PRAM1: variants seen among roughly 807,000 people sequenced by gnomAD.
PRAM1 encodes the protein PML-RARA regulated adaptor molecule 1.
A neutral mutation model predicts 55.3 loss-of-function variants in PRAM1; 41 were observed. The ratio of observed to expected loss-of-function variants is 0.74; its 90% confidence interval spans 0.58 to 0.96. The LOEUF is 0.96. Ranked by LOEUF, PRAM1 falls within the 40% of genes least tolerant of loss-of-function variation. The pLI is 0.00. For synonymous variants in PRAM1, 401 were observed against 387.1 expected (o/e 1.04, Z -0.42); for missense variants, 898 against 892.7 (o/e 1.01, Z -0.08).
intron 1 of PRAM1, among the ~76,000 whole-genome samples, chr19:8,500,159 A>T (rs28527176): frequency 0.3 from 44,198 of 145,878 alleles, 10,561 homozygotes; most frequent in African/African-American, 0.67. Flanking sequence ...CAGGCTGGAG[A>T]GCAGTGGTGC....
In PRAM1 at chr19:8,490,506, C is replaced by T; in HGVS notation, c.1910G>A (p.Gly637Asp). The part of the protein sequence containing the change: ...MLCRDPKGKY[G>D]YVPRTALLPL... ...CAGGAGCGCTGTTCTGGGCACGTAG[C>T]CATCTGTGGAGAGAGTGGGCATGGT... is the stretch of plus-strand genomic sequence containing the variant. The change falls in exon 8 of 10, where the codon GGC (glycine) becomes GAC (aspartate). Residue 637 changes from glycine to aspartate, a missense_variant. By Grantham distance (94) the Gly-to-Asp change is moderately conservative. Coordinates refer to ENST00000423345, the MANE Select transcript of PRAM1 (RefSeq NM_032152.5). The surrounding 1 kb of genome is among the most constrained non-coding windows in gnomAD (Gnocchi z 7.3). The T allele has an allele frequency of 5.6e-6, 9 of 1,611,512 alleles. No homozygotes were observed. Among genetic ancestry groups the T allele is most frequent in the Non-Finnish European group, 6.8e-6 (8 of 1,178,998 alleles).
chr19:8,492,485 G>A (rs375180673), intron 4 of PRAM1, among the ~76,000 whole-genome samples: 1 of 151,736 alleles, frequency 6.6e-6, no homozygotes, highest in Non-Finnish European at 1.5e-5. Flanking sequence ...TCTAACTCCT[G>A]ACCTCAGGTG....
intron 4 of PRAM1, among the ~76,000 whole-genome samples, chr19:8,495,682 G>GCTGGGCAGGAGGTGCGGGCC (rs1160921109): frequency 3.3e-5 from 5 of 151,600 alleles, no homozygotes; most frequent in East Asian, 1.9e-4. Flanking sequence ...TAACTTTGGA[G>GCTGGGCAGGAGGTGCGGGCC]TGGAGGGTAC....
At chr19:8,494,820 A>ACT in intron 4 of PRAM1, among the ~76,000 whole-genome samples, 1 of 151,336 alleles carries the variant, frequency 6.6e-6, no homozygotes, top group East Asian at 1.9e-4. Flanking sequence ...TTTAGTAGAG[A>ACT]CAGGTTTTCA....
chr19:8,490,796 C>A lies in PRAM1; in HGVS notation c.1744-40G>T, dbSNP rs1345711188. The A allele has an allele frequency of 6.2e-7, 1 of 1,606,490 alleles. No individual in the cohort carries two copies. Among genetic ancestry groups the A allele is most frequent in the Non-Finnish European group, 8.5e-7 (1 of 1,178,830 alleles). Reference sequence around the variant, plus strand: ...GTTAGGGCCTCTGCTTGTGCTGCCGCCCTTGGGCCCCTGTCTTCTTTCTGA... The same window carrying A: ...GTTAGGGCCTCTGCTTGTGCTGCCGACCTTGGGCCCCTGTCTTCTTTCTGA... On this transcript the variant is annotated intron_variant, in intron 6 of 9. Transcript: ENST00000423345. This position sits in a 1 kb window ranked among gnomAD's most constrained non-coding sequence, Gnocchi z 7.3.
At chr19:8,491,071 C>T (rs776856757) in intron 5 of PRAM1, 29 bp downstream of exon 5, 86 of 1,612,004 alleles carry the variant, frequency 5.3e-5, no homozygotes, top group East Asian at 8.9e-5. Flanking sequence ...GCTCGCCCCC[C>T]GTCTGCCCAC....
chr19:8,495,766 G>A (rs1215990372), intron 4 of PRAM1, among the ~76,000 whole-genome samples: 1 of 151,750 alleles, frequency 6.6e-6, no homozygotes, highest in Admixed American at 6.6e-5. Flanking sequence ...GGGACAGGCA[G>A]GCAAGGTGCT....
At chr19:8,497,460 A>G (rs1209600051) in intron 4 of PRAM1, among the ~76,000 whole-genome samples, 2 of 151,926 alleles carry the variant, frequency 1.3e-5, no homozygotes, top group African/African-American at 2.4e-5. Flanking sequence ...GGCTCAAACG[A>G]TCCTCCTGCC....
At position 8,493,527 on chromosome 19, in the gene PRAM1, C is replaced by T. The variant is rs1262809992; in HGVS notation, c.1577-2370G>A. Reference sequence around the variant, plus strand: ...GCAGGCAGCCCTGGTTCATCCACAGCTGACCCAGAGCAGGCCTCTGCCCGC... The same window carrying T: ...GCAGGCAGCCCTGGTTCATCCACAGTTGACCCAGAGCAGGCCTCTGCCCGC... On this transcript the variant is annotated intron_variant, in intron 4 of 9. Coordinates refer to ENST00000423345, the MANE Select transcript of PRAM1 (RefSeq NM_032152.5). The surrounding 1 kb of genome is among the most constrained non-coding windows in gnomAD (Gnocchi z 4.1). Among the ~76,000 whole-genome samples, 1 of 150,970 alleles carries T rather than the reference C, an allele frequency of 6.6e-6. No homozygotes were observed. The highest frequency in any genetic ancestry group is 1.5e-5 in the Non-Finnish European group (1 of 68,036).
In PRAM1 at chr19:8,499,648, C is replaced by T. The variant is rs547450112; in HGVS notation, c.160G>A (p.Glu54Lys). 2.5e-4 allele frequency: 396 copies of T among 1,613,608 alleles called. 34 individuals carry two copies. The South Asian group carries it at 4.0e-3, about 16-fold the overall frequency. Residue 54 changes from glutamate (E) to lysine (K), a missense_variant, in exon 2 of 10, where the codon GAG becomes AAG. This residue lies in a region of PRAM1 where 79 missense variants were observed against 93.4 expected (regional missense o/e 0.85). Coordinates refer to ENST00000423345, the MANE Select transcript of PRAM1 (RefSeq NM_032152.5). ...LKKFSQPELS[E>K]HPKKAPLPEF... ...GGCAGCGGGGCCTTCTTGGGGTGCTCGCTTAGCTCAGGCTGGGAGAACTTC... is the reference window on the plus strand; with the variant it reads ...GGCAGCGGGGCCTTCTTGGGGTGCTTGCTTAGCTCAGGCTGGGAGAACTTC...
rs762103173 is a variant in PRAM1, at chr19:8,498,756, C to T, written c.1052G>A (p.Arg351Gln). The T allele has an allele frequency of 2.4e-5, 37 of 1,572,338 alleles. No individual in the cohort carries two copies. Among genetic ancestry groups the T allele is most frequent in the East Asian group, 4.7e-5 (2 of 42,256 alleles). ...CTGTGAGAACTTGCGGGGTGGCCCCCGGCGCTCCGGCTGCAGCAGCTTCCT... is the reference window on the plus strand; with the variant it reads ...CTGTGAGAACTTGCGGGGTGGCCCCTGGCGCTCCGGCTGCAGCAGCTTCCT... ...LPRKLLQPERRGPPRKFSQPE... is the reference protein window; with the variant it reads ...LPRKLLQPERQGPPRKFSQPE... The change falls in exon 2 of 10, where the codon CGG (arginine) becomes CAG (glutamine). Residue 351 changes from arginine (R) to glutamine (Q), a missense_variant. Arg to Gln is a conservative substitution (Grantham distance 43). This residue lies in a region of PRAM1 where 787 missense variants were observed against 735.4 expected (regional missense o/e 1.07). Coordinates refer to ENST00000423345, the MANE Select transcript of PRAM1 (RefSeq NM_032152.5).
rs142008805 is a variant in PRAM1, at chr19:8,500,580, G to A, written c.28-800C>T. On this transcript the variant is annotated intron_variant, in intron 1 of 9. Transcript: ENST00000423345. ...CTAAATGCCTCATAAAAGCCTGGGCGAACCAGCCTCCCTACCCAGCCACCT... is the reference window on the plus strand; with the variant it reads ...CTAAATGCCTCATAAAAGCCTGGGCAAACCAGCCTCCCTACCCAGCCACCT... 5.3e-5 allele frequency among the ~76,000 whole-genome samples: 8 copies of A among 151,932 alleles called. No individual in the cohort carries two copies. The East Asian group carries it at 7.8e-4, about 15-fold the overall frequency.
At chr19:8,498,339 G>A in intron 2 of PRAM1, 37 bp downstream of exon 2, 3 of 1,591,808 alleles carry the variant, frequency 1.9e-6, no homozygotes, top group Non-Finnish European at 2.6e-6. Flanking sequence ...TGGGACCTCA[G>A]CCCCCGCTCC....
intron 4 of PRAM1, 23 bp from the exon 5 acceptor site, chr19:8,491,180 G>A: frequency 6.2e-7 from 1 of 1,605,178 alleles, no homozygotes; most frequent in South Asian, 1.1e-5. Flanking sequence ...AGGACTCCGA[G>A]TCAAGGCAGG....
Position 8,490,909 on chromosome 19 carries a change from C to T in PRAM1, c.1721G>A (p.Arg574Lys). ...KQLRKAEKAE[R>K]EFRKKFKFEG... ...CACCTTGAACTTCTTCCGGAACTCC[C>T]TCTCGGCCTTCTCTGCCTTCCTCAG... The change falls in exon 6 of 10, where the codon AGG (arginine) becomes AAG (lysine). Residue 574 changes from arginine to lysine, a missense_variant. By Grantham distance (26) the Arg-to-Lys change is conservative. Around this residue, in one of 4 missense-constraint regions of PRAM1, gnomAD observed 787 missense variants for 735.4 expected, o/e 1.07. Coordinates refer to ENST00000423345, the MANE Select transcript of PRAM1 (RefSeq NM_032152.5). This position sits in a 1 kb window ranked among gnomAD's most constrained non-coding sequence, Gnocchi z 7.3. The T allele has an allele frequency of 1.2e-6, 2 of 1,613,694 alleles. No individual in the cohort carries two copies. The highest frequency in any genetic ancestry group is 2.2e-5 in the East Asian group (1 of 44,876).
In PRAM1 at chr19:8,497,766, C is replaced by T. The variant is rs771529137; in HGVS notation, c.1574G>A (p.Arg525Lys). 6.2e-7 allele frequency: 1 copy of T among 1,608,756 alleles called. No individual in the cohort carries two copies. The highest frequency in any genetic ancestry group is 1.3e-5 in the African/African-American group (1 of 74,302). The change falls in exon 4 of 10, where the codon AGA (arginine) becomes AAA (lysine). Residue 525 changes from arginine (R) to lysine (K), a missense_variant and splice_region_variant. Arg to Lys is a conservative substitution (Grantham distance 26). This residue lies in a region of PRAM1 where 787 missense variants were observed against 735.4 expected (regional missense o/e 1.07). Transcript: ENST00000423345. The part of the protein sequence containing the change: ...RDDSSPSPKG[R>K]DEAPSVQQAA... ...ACTCGGGCAGGCCACCAACAAACCT[C>T]TGCCCTTGGGGCTGGGGCTGGAGTC...
rs1449973843 is a variant in PRAM1, at chr19:8,498,516, G to A, written c.1292C>T (p.Pro431Leu). ...GGGTGGATGGCTGGGTCTGAGGCCTGGCCTGGCCCCTCCACTGTGAACCAG... is the reference window on the plus strand; with the variant it reads ...GGGTGGATGGCTGGGTCTGAGGCCTAGCCTGGCCCCTCCACTGTGAACCAG... ...GGLVHSGGARPGLRPSHPPRR... is the reference protein window; with the variant it reads ...GGLVHSGGARLGLRPSHPPRR... Residue 431 changes from proline (P) to leucine (L), a missense_variant, in exon 2 of 10, where the codon CCA becomes CTA. Physicochemically the swap from Pro to Leu is moderately conservative, Grantham distance 98. Coordinates refer to ENST00000423345, the MANE Select transcript of PRAM1 (RefSeq NM_032152.5). 6.2e-7 allele frequency: 1 copy of A among 1,604,700 alleles called. No individual in the cohort carries two copies. The highest frequency in any genetic ancestry group is 1.1e-5 in the South Asian group (1 of 90,222).
rs1437080486 is a variant in PRAM1, at chr19:8,498,100, G to C, written c.1499+123C>G. ...TCACCACGTTGGCCAGGCTGTTGTC[G>C]AACTCCTGACTTCAGGAGATCCGCC... On this transcript the variant is annotated intron_variant, in intron 3 of 9. Coordinates refer to ENST00000423345, the MANE Select transcript of PRAM1 (RefSeq NM_032152.5). 7.5e-6 allele frequency: 8 copies of C among 1,073,412 alleles called. No homozygotes were observed. The African/African-American group carries it at 1.3e-4, about 17-fold the overall frequency. The allele number at this position is 1,073,412 out of a possible 1,614,324, so 66.5% of individuals were successfully genotyped here. A position where few individuals can be genotyped will look rare whatever the true frequency, so the allele number is the denominator to read the frequency against.
chr19:8,502,450 C>T (rs999553097), intron 1 of PRAM1, 115 bp downstream of exon 1: 31 of 715,468 alleles, frequency 4.3e-5, no homozygotes, highest in Admixed American at 7.6e-5. Context: ...AGATGTCTTT[C>T]GCAGCCACCC....
Sources: allele counts gnomAD v4.1 joint callset (sites outside exome capture counted in the v4.1 genomes callset), GRCh38; gene constraint gnomAD v4.1.1; regional missense constraint gnomAD v4.1.1; non-coding constraint Gnocchi (gnomAD v3.1); transcripts MANE v1.5; gene names NCBI Gene and HGNC (gene_info 2026-07-23, HGNC 2026-07-21).